Variants in ADAM10 observed in about 807,000 individuals in gnomAD.
ADAM10 encodes the protein ADAM metallopeptidase domain 10, also known as disintegrin and metalloproteinase domain-containing protein 10.
In ADAM10, 17 loss-of-function variants were observed where a neutral mutation model predicts 90.1. The ratio of observed to expected loss-of-function variants is 0.19; its 90% CI spans 0.13 to 0.28. The LOEUF (loss-of-function observed/expected upper bound fraction) is 0.28, where lower values mean the gene tolerates loss of function less well. ADAM10 is among the 10% of genes least tolerant of loss of function. The pLI is 1.00. For missense variants in ADAM10, 610 were observed against 914.3 expected (o/e 0.67, Z 4.29); for synonymous variants, 310 against 298.6 (o/e 1.04, Z -0.40).
chr15:58,647,951 A>G (rs1166587063), intron 5 of ADAM10, among the ~76,000 whole-genome samples: 2 of 152,234 alleles, frequency 1.3e-5, no homozygotes, highest in Non-Finnish European at 2.9e-5. Flanking sequence ...TTGATGGCAC[A>G]GTAATATAGA....
intron 8 of ADAM10, among the ~76,000 whole-genome samples, chr15:58,636,692 G>A (rs1448607285): frequency 1.3e-5 from 2 of 152,026 alleles, no homozygotes; most frequent in African/African-American, 4.8e-5. Context: ...TAGAGTATCT[G>A]TCCTAAACTT....
At chr15:58,675,862 A>G (rs1161507530) in intron 4 of ADAM10, among the ~76,000 whole-genome samples, 1 of 152,190 alleles carries the variant, frequency 6.6e-6, no homozygotes, top group African/African-American at 2.4e-5. Context: ...AGGTATATCC[A>G]AGGTTAGTAT....
intron 4 of ADAM10, among the ~76,000 whole-genome samples, chr15:58,676,581 A>T (rs774674964): frequency 9.2e-5 from 14 of 152,160 alleles, no homozygotes; most frequent in Admixed American, 2.0e-4. Context: ...TTAAAGAAAA[A>T]ATCAAAAGAA....
intron 12 of ADAM10, chr15:58,611,429 A>G: frequency 6.1e-6 from 2 of 328,116 alleles, no homozygotes; most frequent in South Asian, 8.1e-5. Flanking sequence ...GAAAAATTAA[A>G]TTTTTTTCCT....
At chr15:58,692,135 A>ACATGATGGACACAGAGTTGTTCATTTTCC (rs1233494686) in intron 2 of ADAM10, 1 of 513,598 alleles carries the variant, frequency 1.9e-6, no homozygotes, top group African/African-American at 1.9e-5. Flanking sequence ...CATGATCCAC[A>ACATGATGGACACAGAGTTGTTCATTTTCC]CATGATGGAC....
intron 2 of ADAM10, among the ~76,000 whole-genome samples, chr15:58,709,865 C>T (rs992410905): frequency 3.9e-5 from 6 of 152,172 alleles, no homozygotes; most frequent in Non-Finnish European, 5.9e-5. Flanking sequence ...AATACTTTCA[C>T]GCTCTTACTT....
At chr15:58,738,969 C>T (rs1317886182) in intron 1 of ADAM10, among the ~76,000 whole-genome samples, 5 of 152,142 alleles carry the variant, frequency 3.3e-5, no homozygotes, top group African/African-American at 1.2e-4. Flanking sequence ...ACATCTGTCC[C>T]ACTCCCTGCA....
At chr15:58,653,074 G>C (rs1896727087) in intron 5 of ADAM10, among the ~76,000 whole-genome samples, 1 of 152,114 alleles carries the variant, frequency 6.6e-6, no homozygotes, top group Non-Finnish European at 1.5e-5. Flanking sequence ...TTTGTATCCT[G>C]CAACTTTACT....
chr15:58,645,954 T>G, intron 6 of ADAM10, 101 bp downstream of exon 6: 1 of 1,324,474 alleles, frequency 7.6e-7, no homozygotes, highest in Non-Finnish European at 1.1e-6. Flanking sequence ...AACACATACT[T>G]TTTCCCAAAA....
rs1227341503 is a variant in ADAM10 at position 58,590,426 on chromosome 15, C to G, written c.*7121G>C. 6.6e-6 allele frequency: 1 copy of G among 152,242 alleles called. No homozygotes were observed. Among genetic ancestry groups the G allele is most frequent in the Admixed American group, 6.5e-5 (1 of 15,280 alleles). 9.4% of individuals were successfully genotyped at this position (152,242 alleles called of 1,614,324 possible). On this transcript the variant is annotated 3_prime_UTR_variant, in exon 16 of 16. Coordinates refer to ENST00000260408, the MANE Select transcript of ADAM10 (RefSeq NM_001110.4). Reference sequence around the variant, plus strand: ...CATCTAGCCAAGGCCCTGGCACAATCAAGTGCCTAAGAAGTATCTGTGAGT... The same window carrying G: ...CATCTAGCCAAGGCCCTGGCACAATGAAGTGCCTAAGAAGTATCTGTGAGT...
chr15:58,627,534 T>C lies in ADAM10; in HGVS notation c.1360+166A>G, dbSNP rs112629949. Among the ~76,000 whole-genome samples, 527 of 152,210 alleles carry C rather than the reference T, an allele frequency of 3.5e-3. 5 individuals carry two copies. The highest frequency in any genetic ancestry group is 0.012 in the African/African-American group (506 of 41,536). On this transcript the variant is annotated intron_variant, in intron 10 of 15. Coordinates refer to ENST00000260408, the MANE Select transcript of ADAM10 (RefSeq NM_001110.4). Reference sequence around the variant, plus strand: ...ACTTTAAATTGCAATAAAACATGAATTGAGAGATGGCAAGATTAAGAAATA... The same window carrying C: ...ACTTTAAATTGCAATAAAACATGAACTGAGAGATGGCAAGATTAAGAAATA...
At chr15:58,606,401 GA>G (rs1288831509) in intron 14 of ADAM10, among the ~76,000 whole-genome samples, 1 of 152,170 alleles carries the variant, frequency 6.6e-6, no homozygotes, top group African/African-American at 2.4e-5. Flanking sequence ...ACAGGAACCT[GA>G]AAACATTCCA....
chr15:58,593,240 C>T lies in ADAM10; in HGVS notation c.*4307G>A, dbSNP rs1291727673. 5.2e-5 allele frequency: 7 copies of T among 135,456 alleles called. No individual in the cohort carries two copies. Among genetic ancestry groups the T allele is most frequent in the East Asian group, 2.2e-4 (1 of 4,532 alleles). The allele number at this position is 135,456 out of a possible 1,614,324, so 8.4% of individuals were successfully genotyped here. ...TGTCACCCAGGCTGGAGTGCAATGGCGCAATCGCGGCTCACTGCAGCCTCT... is the reference window on the plus strand; with the variant it reads ...TGTCACCCAGGCTGGAGTGCAATGGTGCAATCGCGGCTCACTGCAGCCTCT... On this transcript the variant is annotated 3_prime_UTR_variant, in exon 16 of 16. Transcript: ENST00000260408.
intron 8 of ADAM10, among the ~76,000 whole-genome samples, chr15:58,635,355 C>T (rs377020339): frequency 1.3e-5 from 2 of 151,456 alleles, no homozygotes; most frequent in South Asian, 2.1e-4. Context: ...ACTCTGCCCA[C>T]CTCAGGTGAT....
intron 2 of ADAM10, among the ~76,000 whole-genome samples, chr15:58,705,832 T>G (rs1257458511): frequency 6.6e-6 from 1 of 152,216 alleles, no homozygotes; most frequent in African/African-American, 2.4e-5. Flanking sequence ...AGTAACATAT[T>G]TTGAGAGAGA....
intron 1 of ADAM10, among the ~76,000 whole-genome samples, chr15:58,728,581 TA>T (rs1326870458): frequency 3.3e-5 from 5 of 150,672 alleles, no homozygotes; most frequent in Admixed American, 1.3e-4. Context: ...CTCTATTTTT[TA>T]AAAAAAAAGA....
chr15:58,611,065 A>G lies in ADAM10; in HGVS notation c.1738T>C (p.Cys580Arg). ...SICEKYGLEE[C>R]TCASSDGKDD... ...TTGCCATCAGAACTGGCACACGTAC[A>G]CTCCTCTAAGCCATATTTCTCACAG... Residue 580 changes from cysteine (C) to arginine (R), a missense_variant, in exon 13 of 16, where the codon TGT becomes CGT. Cys to Arg is a radical substitution (Grantham distance 180, BLOSUM62 -3). Around this residue, in one of 4 missense-constraint regions of ADAM10, gnomAD observed 150 missense variants for 268.5 expected, o/e 0.56. Coordinates refer to ENST00000260408, the MANE Select transcript of ADAM10 (RefSeq NM_001110.4). The G allele has an allele frequency of 6.2e-7, 1 of 1,613,934 alleles. No individual in the cohort carries two copies. The highest frequency in any genetic ancestry group is 8.5e-7 in the Non-Finnish European group (1 of 1,179,900).
intron 4 of ADAM10, among the ~76,000 whole-genome samples, chr15:58,669,815 A>T (rs1306389571): frequency 1.3e-5 from 2 of 152,196 alleles, no homozygotes; most frequent in African/African-American, 4.8e-5. Context: ...AACTTTTAAT[A>T]CATACAACAT....
chr15:58,625,762 T>C (rs9635351), intron 10 of ADAM10, among the ~76,000 whole-genome samples: 25,807 of 152,124 alleles, frequency 0.17, 2,499 homozygotes, highest in East Asian at 0.4. Flanking sequence ...CCCAGATGTC[T>C]TTCAAATGGA....
Sources: gnomAD v4.1 joint callset for allele counts (sites outside exome capture counted in the v4.1 genomes callset) on GRCh38, gnomAD v4.1.1 for gene constraint, gnomAD v4.1.1 regional missense constraint, MANE v1.5 for transcripts, NCBI Gene and HGNC (gene_info 2026-07-23, HGNC 2026-07-21) for gene names.